Variants in GAREM1 observed in about 807,000 individuals in gnomAD.
The protein encoded by GAREM1 is GRB2 associated regulator of MAPK1 subtype 1.
GAREM1 carries 26 observed loss-of-function variants against 71.3 expected under a neutral mutation model. That is an observed-to-expected ratio of 0.36 (90% CI 0.27 to 0.51). GAREM1 has a LOEUF of 0.51. Ranked by LOEUF, GAREM1 falls within the 20% of genes least tolerant of loss-of-function variation. The probability of loss-of-function intolerance (pLI) is 0.95; values close to 1 mark genes in which losing one functional copy is unlikely to be tolerated. For synonymous variants in GAREM1, 440 were observed against 433.2 expected (o/e 1.02, Z -0.20); for missense variants, 1,026 against 1,103.1 (o/e 0.93, Z 0.99).
chr18:32,466,680 G>C (rs539155681), intron 1 of GAREM1, among the ~76,000 whole-genome samples: 1 of 152,234 alleles, frequency 6.6e-6, no homozygotes, highest in South Asian at 2.1e-4. Context: ...AGGATGGTTG[G>C]GGGTGGAGGA....
At chr18:32,311,493 T>C (rs1345519046) in intron 2 of GAREM1, among the ~76,000 whole-genome samples, 3 of 152,186 alleles carry the variant, frequency 2.0e-5, no homozygotes, top group African/African-American at 7.2e-5. Flanking sequence ...AGTAAGAGTA[T>C]ACCATGGTAG....
At chr18:32,461,178 T>C (rs1355195160) in intron 1 of GAREM1, among the ~76,000 whole-genome samples, 2 of 152,212 alleles carry the variant, frequency 1.3e-5, no homozygotes, top group African/African-American at 4.8e-5. Context: ...TGTAGTAATA[T>C]AGATATCTTG....
intron 4 of GAREM1, among the ~76,000 whole-genome samples, chr18:32,279,362 T>C (rs1344822618): frequency 6.6e-6 from 1 of 152,202 alleles, no homozygotes; most frequent in African/African-American, 2.4e-5. Context: ...TCTCCATCCC[T>C]TGGATTACTG....
intron 1 of GAREM1, among the ~76,000 whole-genome samples, chr18:32,422,406 T>C (rs1448021194): frequency 5.1e-4 from 77 of 152,002 alleles, no homozygotes; most frequent in Non-Finnish European, 2.9e-5. Context: ...GGTACACCTC[T>C]TCCCCAGGTT....
At chr18:32,404,897 G>T (rs1448596515) in intron 1 of GAREM1, among the ~76,000 whole-genome samples, 1 of 152,074 alleles carries the variant, frequency 6.6e-6, no homozygotes, top group Non-Finnish European at 1.5e-5. Context: ...ACTTGATATT[G>T]TTTTTATCTG....
intron 3 of GAREM1, among the ~76,000 whole-genome samples, chr18:32,308,726 G>C (rs1318962840): frequency 6.7e-6 from 1 of 149,888 alleles, no homozygotes; most frequent in African/African-American, 2.5e-5. Context: ...CACTGAAAAA[G>C]TTAAAAACGA....
In GAREM1 at chr18:32,470,577, A is replaced by T. The variant is rs2049044726; in HGVS notation, c.-149T>A. 2.5e-6 allele frequency: 1 copy of T among 399,964 alleles called. No homozygotes were observed. Among genetic ancestry groups the T allele is most frequent in the Non-Finnish European group, 3.4e-6 (1 of 297,848 alleles). The allele number at this position is 399,964 out of a possible 1,614,324, so 24.8% of individuals were successfully genotyped here. A position where few individuals can be genotyped will look rare whatever the true frequency, so the allele number is the denominator to read the frequency against. On this transcript the variant is annotated 5_prime_UTR_variant, in exon 1 of 6. Coordinates refer to ENST00000269209, the MANE Select transcript of GAREM1 (RefSeq NM_001242409.2). This position sits in a 1 kb window ranked among gnomAD's most constrained non-coding sequence, Gnocchi z 4.4. ...CGCGGGCAGCCGGGGGGGCGCGGCG[A>T]CTGGGGCGGCCCGGAGGGAGGGGGC...
At chr18:32,468,752 C>T (rs1177715304) in intron 1 of GAREM1, among the ~76,000 whole-genome samples, 3 of 152,132 alleles carry the variant, frequency 2.0e-5, no homozygotes, top group African/African-American at 7.2e-5. Flanking sequence ...CTCTGCCTAG[C>T]TAGCAAATGT....
At chr18:32,402,795 T>C (rs1011492214) in intron 1 of GAREM1, among the ~76,000 whole-genome samples, 2 of 152,198 alleles carry the variant, frequency 1.3e-5, no homozygotes, top group African/African-American at 4.8e-5. Flanking sequence ...TTAGGCATCA[T>C]ATATTCAATC....
chr18:32,338,086 T>C (rs781118078), intron 2 of GAREM1, among the ~76,000 whole-genome samples: 6 of 152,194 alleles, frequency 3.9e-5, no homozygotes, highest in Non-Finnish European at 5.9e-5. Context: ...TTTCAATACT[T>C]ACTCATCCAC....
chr18:32,464,293 T>C (rs2048979124), intron 1 of GAREM1, among the ~76,000 whole-genome samples: 1 of 151,062 alleles, frequency 6.6e-6, no homozygotes. Flanking sequence ...AAAAAAAAGA[T>C]GTAAGTGTCT....
chr18:32,423,320 A>G (rs2048538716), intron 1 of GAREM1, among the ~76,000 whole-genome samples: 1 of 150,352 alleles, frequency 6.7e-6, no homozygotes, highest in Admixed American at 6.6e-5. Context: ...CAAGTGCCAG[A>G]TATTAATAAA....
chr18:32,434,534 A>G (rs758694169), intron 1 of GAREM1, among the ~76,000 whole-genome samples: 2 of 152,136 alleles, frequency 1.3e-5, no homozygotes, highest in Non-Finnish European at 2.9e-5. Flanking sequence ...CCAAAATTAG[A>G]GTTCCCTATG....
chr18:32,273,923 G>T (rs577282015), intron 4 of GAREM1, among the ~76,000 whole-genome samples: 2 of 152,176 alleles, frequency 1.3e-5, no homozygotes, highest in South Asian at 4.1e-4. Flanking sequence ...AAGGTGTTTT[G>T]TTGTTGTTGT....
chr18:32,360,401 T>C (rs1366846480), intron 2 of GAREM1, among the ~76,000 whole-genome samples: 3 of 152,152 alleles, frequency 2.0e-5, no homozygotes, highest in Non-Finnish European at 4.4e-5. Flanking sequence ...TGGTTGCCAG[T>C]TCTCATTTAA....
chr18:32,356,976 G>C (rs2047812730), intron 2 of GAREM1, among the ~76,000 whole-genome samples: 1 of 152,096 alleles, frequency 6.6e-6, no homozygotes, highest in South Asian at 2.1e-4. Flanking sequence ...TTTGGTCCTA[G>C]CTTCTCTGGC....
At chr18:32,343,886 C>G (rs1348381719) in intron 2 of GAREM1, among the ~76,000 whole-genome samples, 6 of 152,106 alleles carry the variant, frequency 3.9e-5, no homozygotes, top group Admixed American at 2.0e-4. Flanking sequence ...AGGCACCCCC[C>G]ACTCCCAGCT....
Position 32,268,343 on chromosome 18 carries a change from G to T in GAREM1, c.2159C>A (p.Thr720Lys), listed in dbSNP as rs2276374. 6.8e-6 allele frequency: 11 copies of T among 1,614,006 alleles called. No homozygotes were observed. Among genetic ancestry groups the T allele is most frequent in the Admixed American group, 3.3e-5 (2 of 60,006 alleles). The change falls in exon 6 of 6, where the codon ACG (threonine) becomes AAG (lysine). Residue 720 changes from threonine (T) to lysine (K), a missense_variant. Coordinates refer to ENST00000269209, the MANE Select transcript of GAREM1 (RefSeq NM_001242409.2). ...SLAAGVTKQS[T>K]SCPALPPRAP... is the part of the protein sequence containing the mutation. ...CCTGGGGGGTAAGGCAGGGCATGACGTACTCTGCTTTGTCACACCAGCTGC... is the reference window on the plus strand; with the variant it reads ...CCTGGGGGGTAAGGCAGGGCATGACTTACTCTGCTTTGTCACACCAGCTGC...
chr18:32,343,311 G>GTTTTTTTGTTTTTTTTTTTTTTTTTTT (rs2047664721), intron 2 of GAREM1, among the ~76,000 whole-genome samples: 2 of 118,886 alleles, frequency 1.7e-5, no homozygotes, highest in African/African-American at 6.7e-5. Flanking sequence ...CTCCCCCACT[G>GTTTTTTTGTTTTTTTTTTTTTTTTTTT]TTTTTTTTTT....
Sources: gnomAD v4.1 joint callset for allele counts (sites outside exome capture counted in the v4.1 genomes callset) on GRCh38, gnomAD v4.1.1 for gene constraint, Gnocchi (gnomAD v3.1) non-coding constraint, MANE v1.5 for transcripts, NCBI Gene and HGNC (gene_info 2026-07-23, HGNC 2026-07-21) for gene names.